DLGAP2: variants seen among roughly 807,000 people sequenced by gnomAD.
DLGAP2 encodes the protein DLG associated protein 2, also known as disks large-associated protein 2.
Under a neutral mutation model 100.3 loss-of-function variants are expected in DLGAP2, and 26 were observed. That is an observed-to-expected ratio of 0.26 (90% CI 0.19 to 0.36). DLGAP2 has a LOEUF of 0.36. Ranked by LOEUF, DLGAP2 falls within the 10% of genes least tolerant of loss-of-function variation. The pLI, the probability that DLGAP2 is intolerant of heterozygous loss-of-function variation, is 1.00. For synonymous variants in DLGAP2, 886 were observed against 630.1 expected, an observed-to-expected ratio of 1.41 and a Z score of -6.08; for missense variants, 1,858 against 1,453.2, an observed-to-expected ratio of 1.28 and a Z score of -4.53.
intron 2 of DLGAP2, among the ~76,000 whole-genome samples, chr8:1,096,151 T>C (rs1804358936): frequency 2.6e-5 from 4 of 152,224 alleles, no homozygotes; most frequent in Non-Finnish European, 5.9e-5. Context: ...TTGGGGTTAA[T>C]TGGACCTGTT....
At chr8:1,343,715 G>GA (rs1023937658) in intron 3 of DLGAP2, among the ~76,000 whole-genome samples, 2 of 151,844 alleles carry the variant, frequency 1.3e-5, no homozygotes, top group South Asian at 4.2e-4. Context: ...GGTCGTGGGG[G>GA]GTGTTAGAGG....
intron 6 of DLGAP2, among the ~76,000 whole-genome samples, chr8:1,586,338 C>T (rs1796118465): frequency 6.6e-6 from 1 of 152,236 alleles, no homozygotes; most frequent in African/African-American, 2.4e-5. Context: ...CCAGAGGCCA[C>T]CCACAGGGAT....
intron 2 of DLGAP2, among the ~76,000 whole-genome samples, chr8:981,556 T>A (rs1800332321): frequency 6.6e-6 from 1 of 152,162 alleles, no homozygotes. Context: ...CGTACGAGGG[T>A]TCCAGTTTCT....
chr8:1,158,138 T>C (rs1388548013), intron 2 of DLGAP2, among the ~76,000 whole-genome samples: 1 of 152,244 alleles, frequency 6.6e-6, no homozygotes, highest in Non-Finnish European at 1.5e-5. Flanking sequence ...TATTTACAGC[T>C]ATTAATCTAA....
chr8:1,192,108 A>G lies in DLGAP2; in HGVS notation c.74-66743A>G, dbSNP rs570932608. On this transcript the variant is annotated intron_variant, in intron 2 of 14. Transcript: ENST00000637795. ...TGTGCGTGGCCCCTGCACTTTCTAG[A>G]TGGCTTTCTCCTCTCGTACGTGATG... Among the ~76,000 whole-genome samples the G allele has an allele frequency of 2.0e-4, 30 of 152,072 alleles. 1 individual carries two copies. The South Asian group carries it at 6.0e-3, about 31-fold the overall frequency.
chr8:1,134,684 T>G (rs1160943799), intron 2 of DLGAP2, among the ~76,000 whole-genome samples: 3 of 152,192 alleles, frequency 2.0e-5, no homozygotes, highest in Non-Finnish European at 4.4e-5. Flanking sequence ...GGAAAGAGGT[T>G]TAACTGACTC....
At chr8:1,455,466 C>T (rs980941561) in intron 3 of DLGAP2, among the ~76,000 whole-genome samples, 11 of 152,002 alleles carry the variant, frequency 7.2e-5, no homozygotes, top group African/African-American at 1.5e-4. Context: ...TGTCAACATT[C>T]GGGCCTGAGC....
At position 1,562,878 on chromosome 8, in the gene DLGAP2, G is replaced by A. The variant is rs201722870; in HGVS notation, c.1231-2805G>A. Among the ~76,000 whole-genome samples the A allele has an allele frequency of 8.2e-3, 246 of 29,890 alleles. 1 individual carries two copies. Among genetic ancestry groups the A allele is most frequent in the Admixed American group, 9.9e-3 (23 of 2,324 alleles). The allele number at this position is 29,890 out of a possible 152,430, so 19.6% of individuals were successfully genotyped here. On this transcript the variant is annotated intron_variant, in intron 5 of 14. Coordinates refer to ENST00000637795, the MANE Select transcript of DLGAP2 (RefSeq NM_001346810.2). The stretch of plus-strand genomic sequence containing the variant: ...GGGGCTGTGTGGTGTTGGGGTGTCC[G>A]CGCCTCGTTACTGGGGGACTGTGTG...
intron 3 of DLGAP2, among the ~76,000 whole-genome samples, chr8:1,408,940 A>G (rs537820034): frequency 6.6e-6 from 1 of 152,338 alleles, no homozygotes; most frequent in Admixed American, 6.5e-5. Context: ...CTTGTTGGAG[A>G]CAGTGGACAT....
chr8:1,224,658 A>G (rs533415765), intron 2 of DLGAP2, among the ~76,000 whole-genome samples: 1 of 152,370 alleles, frequency 6.6e-6, no homozygotes, highest in South Asian at 2.1e-4. Flanking sequence ...AAAATCCAGA[A>G]TGAAAAGAGA....
chr8:1,159,386 T>A (rs1471249603), intron 2 of DLGAP2, among the ~76,000 whole-genome samples: 1 of 152,212 alleles, frequency 6.6e-6, no homozygotes, highest in African/African-American at 2.4e-5. Context: ...CAGGACTGAT[T>A]TATTCTGTGG....
intron 1 of DLGAP2, among the ~76,000 whole-genome samples, chr8:819,452 A>G (rs1264494745): frequency 6.6e-6 from 1 of 152,244 alleles, no homozygotes; most frequent in Non-Finnish European, 1.5e-5. Flanking sequence ...CAAAGCGGCA[A>G]TGCCACAGTC....
At chr8:782,615 C>G (rs1447914588) in intron 1 of DLGAP2, among the ~76,000 whole-genome samples, 2 of 152,136 alleles carry the variant, frequency 1.3e-5, no homozygotes, top group Non-Finnish European at 2.9e-5. Context: ...AGATTCAAAT[C>G]AATGTGAAGA....
chr8:1,683,663 C>T (rs1408951701), intron 12 of DLGAP2, among the ~76,000 whole-genome samples: 1 of 149,018 alleles, frequency 6.7e-6, no homozygotes, highest in Non-Finnish European at 1.5e-5. Flanking sequence ...GATGGGCTGT[C>T]TTAGCGAACA....
chr8:1,601,792 G>C (rs946054287), intron 6 of DLGAP2, among the ~76,000 whole-genome samples: 3 of 152,146 alleles, frequency 2.0e-5, no homozygotes, highest in African/African-American at 7.2e-5. Context: ...TGGAGTTGCT[G>C]TTTCCTCTCC....
intron 2 of DLGAP2, among the ~76,000 whole-genome samples, chr8:1,180,598 T>C (rs55895428): frequency 6.9e-6 from 1 of 144,922 alleles, no homozygotes. Flanking sequence ...CTGTCGAGTG[T>C]GTGTGGGTGT....
At chr8:801,942 C>T (rs1398656587) in intron 1 of DLGAP2, among the ~76,000 whole-genome samples, 2 of 152,004 alleles carry the variant, frequency 1.3e-5, no homozygotes, top group Non-Finnish European at 2.9e-5. Flanking sequence ...ACACTGGGCC[C>T]TCCGTCCTCA....
intron 2 of DLGAP2, among the ~76,000 whole-genome samples, chr8:1,239,919 G>C (rs1798746596): frequency 8.0e-6 from 1 of 125,650 alleles, no homozygotes; most frequent in African/African-American, 3.2e-5. Context: ...TCTCTCACAT[G>C]GCACCGTGTC....
intron 4 of DLGAP2, among the ~76,000 whole-genome samples, chr8:1,535,734 G>A (rs1407821378): frequency 2.0e-5 from 3 of 152,252 alleles, no homozygotes; most frequent in African/African-American, 7.2e-5. Flanking sequence ...GAGGAGGTGA[G>A]CTCTGAGCAG....
Sources: gnomAD v4.1 joint callset for allele counts (sites outside exome capture counted in the v4.1 genomes callset) on GRCh38, gnomAD v4.1.1 for gene constraint, MANE v1.5 for transcripts, NCBI Gene and HGNC (gene_info 2026-07-23, HGNC 2026-07-21) for gene names.